The following IL1RAPL2 variants were observed in gnomAD, a reference collection of about 807,000 sequenced individuals.
IL1RAPL2 encodes X-linked interleukin-1 receptor accessory protein-like 2.
In IL1RAPL2, 3 loss-of-function variants were observed where a neutral mutation model predicts 44.1. That is an observed-to-expected ratio of 0.07 (90% CI 0.03 to 0.18). IL1RAPL2 has a LOEUF of 0.18. IL1RAPL2 is among the 10% of genes least tolerant of loss of function. The probability of loss-of-function intolerance (pLI) is 1.00; values close to 1 mark genes in which losing one functional copy is unlikely to be tolerated. For missense variants in IL1RAPL2, 391 were observed against 496.4 expected (o/e 0.79, Z 2.02); for synonymous variants, 181 against 178.8 (o/e 1.01, Z -0.10).
At chrX:104,620,697 A>G (rs1333575128) in intron 1 of IL1RAPL2, among the ~76,000 whole-genome samples, 2 of 96,662 alleles carry the variant, frequency 2.1e-5, no homozygotes, top group Non-Finnish European at 4.1e-5. Flanking sequence ...GGGTGAGGCC[A>G]TCTTGGAAGA....
intron 6 of IL1RAPL2, among the ~76,000 whole-genome samples, chrX:105,651,481 T>C (rs1385643021): frequency 8.9e-6 from 1 of 112,181 alleles, no homozygotes; most frequent in Non-Finnish European, 1.9e-5. Flanking sequence ...GGTGAGGTTT[T>C]GCATGAAGAT....
At chrX:105,482,319 A>G (rs2036238365) in intron 5 of IL1RAPL2, among the ~76,000 whole-genome samples, 1 of 111,862 alleles carries the variant, frequency 8.9e-6, no homozygotes, top group African/African-American at 3.2e-5. Context: ...TAGATCCCTC[A>G]TGTTTCCAAT....
chrX:104,888,249 AG>A (rs200461864), intron 2 of IL1RAPL2, among the ~76,000 whole-genome samples: 5,664 of 108,091 alleles, frequency 0.052, 411 homozygotes, highest in African/African-American at 0.18. Context: ...AGAGAGAGAG[AG>A]AGAGAGAGAG....
At chrX:105,014,659 G>T (rs1038565845) in intron 2 of IL1RAPL2, among the ~76,000 whole-genome samples, 1 of 112,051 alleles carries the variant, frequency 8.9e-6, no homozygotes, top group Admixed American at 9.5e-5. Flanking sequence ...CTTTTTTATG[G>T]CTGCATAGTA....
At chrX:105,218,935 T>C in intron 3 of IL1RAPL2, 1 of 1,055,788 alleles carries the variant, frequency 9.5e-7, no homozygotes, top group Non-Finnish European at 1.3e-6. Context: ...GAGATATACA[T>C]GCTTCGGTTC....
intron 2 of IL1RAPL2, among the ~76,000 whole-genome samples, chrX:104,771,749 T>G (rs1239025987): frequency 9.0e-6 from 1 of 111,525 alleles, no homozygotes; most frequent in Non-Finnish European, 1.9e-5. Context: ...TTGTGCTCAG[T>G]AGCACAAATT....
Position 104,592,140 on chromosome X carries a change from C to T in IL1RAPL2, c.-20+25089C>T, listed in dbSNP as rs866422686. Reference sequence around the variant, plus strand: ...ATGCCATATGATTTTTTTTAATGCCCGTATATGTGTGTGTGTGTGTGTGTG... The same window carrying T: ...ATGCCATATGATTTTTTTTAATGCCTGTATATGTGTGTGTGTGTGTGTGTG... On this transcript the variant is annotated intron_variant, in intron 1 of 10. Transcript: ENST00000372582. Among the ~76,000 whole-genome samples the T allele has an allele frequency of 9.9e-3, 404 of 40,968 alleles. 2 individuals are homozygous for T. The highest frequency in any genetic ancestry group is 0.015 in the Non-Finnish European group (284 of 18,656). The allele number at this position is 40,968 out of a possible 115,157, so 35.6% of individuals were successfully genotyped here. A position where few individuals can be genotyped will look rare whatever the true frequency, so the allele number is the denominator to read the frequency against.
At chrX:105,559,892 G>A (rs188336610) in intron 6 of IL1RAPL2, among the ~76,000 whole-genome samples, 37 of 111,583 alleles carry the variant, frequency 3.3e-4, no homozygotes, top group African/African-American at 1.1e-3. Context: ...AGCATTGCTT[G>A]TGTCATTGTC....
chrX:104,932,261 A>G (rs1407559452), intron 2 of IL1RAPL2, among the ~76,000 whole-genome samples: 1 of 109,917 alleles, frequency 9.1e-6, no homozygotes, highest in Non-Finnish European at 1.9e-5. Flanking sequence ...AGCCTCCCAA[A>G]GTGCTGGGAT....
chrX:104,679,531 C>T (rs996055706), intron 2 of IL1RAPL2, among the ~76,000 whole-genome samples: 1 of 111,749 alleles, frequency 8.9e-6, no homozygotes, highest in Non-Finnish European at 1.9e-5. Flanking sequence ...TTCCTCTTTC[C>T]TAATGTTGTT....
intron 3 of IL1RAPL2, among the ~76,000 whole-genome samples, chrX:105,208,523 C>T (rs1050619826): frequency 9.0e-6 from 1 of 111,177 alleles, no homozygotes; most frequent in Non-Finnish European, 1.9e-5. Context: ...TAGGATGGCT[C>T]ATTAATATTC....
intron 5 of IL1RAPL2, among the ~76,000 whole-genome samples, chrX:105,295,860 TA>T (rs1444657450): frequency 1.2e-4 from 13 of 111,562 alleles, no homozygotes; most frequent in African/African-American, 4.2e-4. Context: ...AACATTAAGA[TA>T]AAAACCCCAC....
Position 104,666,441 on chromosome X carries a change from C to T in IL1RAPL2, c.82+7446C>T, listed in dbSNP as rs534814481. ...AGCATCTTCCAAATACAGAAGTCAC[C>T]GAGCTTGGTATCATGTTGGATTTGT... On this transcript the variant is annotated intron_variant, in intron 2 of 10. Coordinates refer to ENST00000372582, the MANE Select transcript of IL1RAPL2 (RefSeq NM_017416.2). Among the ~76,000 whole-genome samples, 15 of 111,466 alleles carry T rather than the reference C, an allele frequency of 1.3e-4. 1 individual carries two copies. The South Asian group carries it at 5.3e-3, about 39-fold the overall frequency.
chrX:104,621,793 T>A (rs992063242), intron 1 of IL1RAPL2, among the ~76,000 whole-genome samples: 8 of 112,022 alleles, frequency 7.1e-5, no homozygotes, highest in African/African-American at 1.9e-4. Flanking sequence ...TAGAGCTATA[T>A]AACCCAGTAG....
At chrX:105,391,985 G>A (rs1306567752) in intron 5 of IL1RAPL2, among the ~76,000 whole-genome samples, 1 of 74,504 alleles carries the variant, frequency 1.3e-5, no homozygotes, top group Non-Finnish European at 2.5e-5. Context: ...TCACACTCTG[G>A]GGACTGTTGT....
chrX:105,144,029 C>G (rs1602976443), intron 2 of IL1RAPL2, among the ~76,000 whole-genome samples: 1 of 108,175 alleles, frequency 9.2e-6, no homozygotes, highest in Non-Finnish European at 1.9e-5. Flanking sequence ...AAAAAAAATA[C>G]TTAGGTCTCC....
intron 5 of IL1RAPL2, among the ~76,000 whole-genome samples, chrX:105,345,374 C>A (rs952961617): frequency 3.6e-5 from 4 of 111,373 alleles, no homozygotes; most frequent in African/African-American, 1.3e-4. Context: ...TTTTTTCCAT[C>A]GGATAGTTAA....
At position 104,855,334 on chromosome X, in the gene IL1RAPL2, C is replaced by T. The variant is rs57991004; in HGVS notation, c.82+196339C>T. Among the ~76,000 whole-genome samples, 542 of 111,179 alleles carry T rather than the reference C, an allele frequency of 4.9e-3. 3 individuals carry two copies. The highest frequency in any genetic ancestry group is 0.017 in the African/African-American group (513 of 30,591). ...CAGCTGGAGTTGGCTACTACTAATT[C>T]AAATGAGCTAGGGATCAAGAACATG... On this transcript the variant is annotated intron_variant, in intron 2 of 10. Transcript: ENST00000372582.
intron 2 of IL1RAPL2, among the ~76,000 whole-genome samples, chrX:104,851,654 A>T (rs769888839): frequency 1.8e-5 from 2 of 111,675 alleles, no homozygotes; most frequent in Non-Finnish European, 3.8e-5. Flanking sequence ...AGGTGAGTTC[A>T]TTTTGAACTC....
Sources: allele counts gnomAD v4.1 joint callset (sites outside exome capture counted in the v4.1 genomes callset), GRCh38; gene constraint gnomAD v4.1.1; transcripts MANE v1.5; gene names NCBI Gene and HGNC (gene_info 2026-07-23, HGNC 2026-07-21).